RPH3A: variants seen among roughly 807,000 people sequenced by gnomAD.
RPH3A encodes rabphilin 3A, also known as rabphilin-3A.
In RPH3A, 48 loss-of-function variants were observed where a neutral mutation model predicts 102.2. The observed-to-expected ratio is 0.47, with a 90% CI of 0.37 to 0.60. The LOEUF (loss-of-function observed/expected upper bound fraction) is 0.60, where lower values mean the gene tolerates loss of function less well. Among genes scored for constraint, RPH3A ranks in the 20% least tolerant of loss-of-function variants. The probability of loss-of-function intolerance (pLI) is 0.00; values close to 1 mark genes in which losing one functional copy is unlikely to be tolerated. For synonymous variants in RPH3A, 310 were observed against 324.3 expected, an observed-to-expected ratio of 0.96 and a Z score of 0.47; for missense variants, 781 against 910.1, an observed-to-expected ratio of 0.86 and a Z score of 1.83.
At chr12:112,864,949 G>A (rs117815957) in intron 5 of RPH3A, among the ~76,000 whole-genome samples, 2,668 of 152,294 alleles carry the variant, frequency 0.018, 34 homozygotes, top group Non-Finnish European at 0.027. Flanking sequence ...GTATGTAGAT[G>A]GTGGTGACAT....
At chr12:112,724,418 G>A (rs2040573010) in intron 1 of RPH3A, among the ~76,000 whole-genome samples, 1 of 151,902 alleles carries the variant, frequency 6.6e-6, no homozygotes, top group Admixed American at 6.6e-5. Context: ...TCAAATGGTT[G>A]CAGATCTCCA....
chr12:112,857,613 A>T (rs534672679), intron 5 of RPH3A, among the ~76,000 whole-genome samples: 1 of 152,302 alleles, frequency 6.6e-6, no homozygotes, highest in South Asian at 2.1e-4. Flanking sequence ...CTTCAGAAGG[A>T]TTGAAGCCCT....
intron 1 of RPH3A, chr12:112,650,606 C>T (rs1249742434): frequency 3.3e-5 from 5 of 151,998 alleles, no homozygotes; most frequent in Non-Finnish European, 7.4e-5. Context: ...GTAACTTATG[C>T]CAGCTCTGTG....
chr12:112,764,701 T>TTATTATTATTA (rs1565873636), intron 1 of RPH3A, among the ~76,000 whole-genome samples: 3 of 150,846 alleles, frequency 2.0e-5, no homozygotes, highest in African/African-American at 7.4e-5. Context: ...TATTATTATT[T>TTATTATTATTA]TTTTGCAATG....
chr12:112,706,613 A>G (rs2040428874), intron 1 of RPH3A, among the ~76,000 whole-genome samples: 1 of 152,160 alleles, frequency 6.6e-6, no homozygotes, highest in African/African-American at 2.4e-5. Flanking sequence ...TGAATAACGC[A>G]TAGAGGTTTA....
chr12:112,730,513 T>G (rs907561031), intron 1 of RPH3A, among the ~76,000 whole-genome samples: 1 of 152,206 alleles, frequency 6.6e-6, no homozygotes, highest in East Asian at 1.9e-4. Flanking sequence ...GGGACTGTAT[T>G]TGCTGCAGAG....
intron 1 of RPH3A, among the ~76,000 whole-genome samples, chr12:112,731,709 CA>C (rs2040635369): frequency 2.6e-5 from 4 of 152,194 alleles, no homozygotes; most frequent in Admixed American, 2.6e-4. Context: ...ATGTCAAACC[CA>C]TTTGGGGGAT....
intron 1 of RPH3A, among the ~76,000 whole-genome samples, chr12:112,682,613 C>T (rs1365574643): frequency 6.6e-6 from 1 of 152,194 alleles, no homozygotes; most frequent in Non-Finnish European, 1.5e-5. Flanking sequence ...CAGGCTCCCC[C>T]TCTCTTATGG....
intron 1 of RPH3A, among the ~76,000 whole-genome samples, chr12:112,749,840 A>T (rs1427016738): frequency 1.3e-5 from 2 of 152,214 alleles, no homozygotes; most frequent in Non-Finnish European, 2.9e-5. Flanking sequence ...GAGATATATT[A>T]AAAACCCTGA....
intron 2 of RPH3A, among the ~76,000 whole-genome samples, chr12:112,827,896 T>TA (rs1212781928): frequency 0.011 from 778 of 73,894 alleles, 4 homozygotes; most frequent in African/African-American, 0.042. Flanking sequence ...TTAAGTATAA[T>TA]AAAAAAAAAA....
At chr12:112,677,062 A>G (rs2040180360) in intron 1 of RPH3A, among the ~76,000 whole-genome samples, 1 of 152,156 alleles carries the variant, frequency 6.6e-6, no homozygotes, top group African/African-American at 2.4e-5. Flanking sequence ...GAGCTTCTTT[A>G]TGGATCTGTA....
chr12:112,690,654 A>C (rs756858946), intron 1 of RPH3A, among the ~76,000 whole-genome samples: 1 of 152,188 alleles, frequency 6.6e-6, no homozygotes, highest in African/African-American at 2.4e-5. Context: ...CCACTGGTAA[A>C]TATGGACCAA....
chr12:112,711,797 T>C (rs2040464342), intron 1 of RPH3A, among the ~76,000 whole-genome samples: 1 of 152,190 alleles, frequency 6.6e-6, no homozygotes, highest in Non-Finnish European at 1.5e-5. Context: ...CACTTTTTGC[T>C]GCAATCTCTC....
At chr12:112,732,583 C>A (rs1399907037) in intron 1 of RPH3A, among the ~76,000 whole-genome samples, 1 of 152,146 alleles carries the variant, frequency 6.6e-6, no homozygotes, top group African/African-American at 2.4e-5. Context: ...TTGGGATCCA[C>A]CCTAGTGGGA....
At chr12:112,675,681 C>A (rs2040169514) in intron 1 of RPH3A, among the ~76,000 whole-genome samples, 2 of 152,144 alleles carry the variant, frequency 1.3e-5, no homozygotes, top group African/African-American at 4.8e-5. Context: ...CCCTGGGAGG[C>A]CTTGCTTTAT....
intron 10 of RPH3A, among the ~76,000 whole-genome samples, chr12:112,872,732 A>G (rs976402859): frequency 1.3e-5 from 2 of 152,162 alleles, no homozygotes; most frequent in Non-Finnish European, 2.9e-5. Flanking sequence ...CACATATCAA[A>G]TCCTGCTTTT....
intron 1 of RPH3A, among the ~76,000 whole-genome samples, chr12:112,694,042 C>T (rs1313704629): frequency 1.3e-5 from 2 of 152,228 alleles, no homozygotes; most frequent in African/African-American, 4.8e-5. Context: ...CCTCTTGAAG[C>T]TGAAAGTGTT....
chr12:112,821,440 C>G (rs577007670), intron 2 of RPH3A, among the ~76,000 whole-genome samples: 3 of 152,046 alleles, frequency 2.0e-5, no homozygotes, highest in African/African-American at 7.2e-5. Flanking sequence ...ATCTCAGCTC[C>G]CTCTTGCTCT....
intron 6 of RPH3A, among the ~76,000 whole-genome samples, chr12:112,866,304 TAA>T (rs903839884): frequency 6.6e-6 from 1 of 152,132 alleles, no homozygotes; most frequent in African/African-American, 2.4e-5. Context: ...GGAAATTCAA[TAA>T]AAAATACAGT....
Sources: gnomAD v4.1 joint callset for allele counts (sites outside exome capture counted in the v4.1 genomes callset) on GRCh38, gnomAD v4.1.1 for gene constraint, MANE v1.5 for transcripts, NCBI Gene and HGNC (gene_info 2026-07-23, HGNC 2026-07-21) for gene names.